The following LIPE variants were observed in gnomAD, a reference collection of about 807,000 sequenced individuals.
LIPE encodes the protein hormone-sensitive lipase.
In LIPE, 66 loss-of-function variants were observed where a neutral mutation model predicts 88.5. The ratio of observed to expected loss-of-function variants is 0.75; its 90% confidence interval spans 0.61 to 0.91. LIPE has a LOEUF of 0.91. Among genes scored for constraint, LIPE ranks in the 40% least tolerant of loss-of-function variants. The pLI, the probability that LIPE is intolerant of heterozygous loss-of-function variation, is 0.00. For synonymous variants in LIPE, 570 were observed against 617.5 expected (o/e 0.92, Z 1.14); for missense variants, 1,346 against 1,434.7 (o/e 0.94, Z 1.00).
Position 42,426,387 on chromosome 19 carries a change from C to CCA in LIPE, c.761_762dup (p.Ala255TrpfsTer5), listed in dbSNP as rs1308944378. ...TTGAAGCCTAGCTTCACTCCCTGGG[C>CCA]CACCATTCCACCCATCGTGGCTGGA... On this transcript the variant is annotated frameshift_variant, in exon 1 of 10. Transcript: ENST00000244289. LOFTEE classifies it high-confidence loss of function. The CCA allele has an allele frequency of 1.2e-6, 2 of 1,613,966 alleles. No homozygotes were observed. The highest frequency in any genetic ancestry group is 3.3e-5 in the Admixed American group (2 of 59,988).
intron 1 of LIPE, chr19:42,423,500 C>A (rs925414899): frequency 4.7e-6 from 6 of 1,278,578 alleles, no homozygotes; most frequent in East Asian, 5.6e-5. Flanking sequence ...GGGGCCATAG[C>A]GGCCTCGGCG....
chr19:42,423,466 C>T (rs1455088827), intron 1 of LIPE: 1 of 1,288,874 alleles, frequency 7.8e-7, no homozygotes, highest in East Asian at 5.6e-5. Context: ...GCTCCTTGAG[C>T]CCTCTTTGGC....
At chr19:42,413,596 G>A (rs1275775637) in intron 1 of LIPE, among the ~76,000 whole-genome samples, 1 of 152,246 alleles carries the variant, frequency 6.6e-6, no homozygotes, top group African/African-American at 2.4e-5. Flanking sequence ...AACCTGGGAC[G>A]CGGAGCTTGC....
At chr19:42,421,318 T>C (rs527238633) in intron 1 of LIPE, among the ~76,000 whole-genome samples, 2 of 152,180 alleles carry the variant, frequency 1.3e-5, no homozygotes, top group African/African-American at 2.4e-5. Flanking sequence ...TTCTCCATAC[T>C]GTCCTCTCTG....
In LIPE at chr19:42,408,760, GT is replaced by G; in HGVS notation, c.1420-439del. Among the ~76,000 whole-genome samples the G allele has an allele frequency of 6.6e-6, 1 of 151,698 alleles. No homozygotes were observed. Among genetic ancestry groups the G allele is most frequent in the Non-Finnish European group, 1.5e-5 (1 of 67,864 alleles). ...AATCGCTTGAACCCAGGAGGCAGAGGTTGCAGTGAGTGGAGATCACACCACT... is the reference window on the plus strand; with the variant it reads ...AATCGCTTGAACCCAGGAGGCAGAGGTGCAGTGAGTGGAGATCACACCACT... On this transcript the variant is annotated intron_variant, in intron 2 of 9. Coordinates refer to ENST00000244289, the MANE Select transcript of LIPE (RefSeq NM_005357.4). This position sits in a 1 kb window ranked among gnomAD's most constrained non-coding sequence, Gnocchi z 4.3.
In LIPE at chr19:42,407,802, G is replaced by A. The variant is rs760844591; in HGVS notation, c.1657-11C>T. The A allele has an allele frequency of 6.5e-7, 1 of 1,544,030 alleles. No individual in the cohort carries two copies. Among genetic ancestry groups the A allele is most frequent in the Admixed American group, 1.9e-5 (1 of 51,408 alleles). The stretch of plus-strand genomic sequence containing the variant: ...CATGTTGGCCAGAGACTGGAGGGAG[G>A]GGACAGAAGGGGTGCTAGGGAAGGT... On this transcript the variant is annotated splice_polypyrimidine_tract_variant and intron_variant, in intron 4 of 9. Coordinates refer to ENST00000244289, the MANE Select transcript of LIPE (RefSeq NM_005357.4). The surrounding 1 kb of genome is among the most constrained non-coding windows in gnomAD (Gnocchi z 5.8).
At position 42,408,481 on chromosome 19, in the gene LIPE, CTGA is replaced by C. The variant is rs567458534; in HGVS notation, c.1420-162_1420-160del. 1.8e-3 allele frequency: 1,170 copies of C among 636,154 alleles called. 4 individuals are homozygous for C. In the Middle Eastern group the frequency reaches 0.024, roughly 13 times the overall value. The allele number at this position is 636,154 out of a possible 1,614,324, so 39.4% of individuals were successfully genotyped here. A position where few individuals can be genotyped will look rare whatever the true frequency, so the allele number is the denominator to read the frequency against. On this transcript the variant is annotated intron_variant, in intron 2 of 9. Transcript: ENST00000244289. This position sits in a 1 kb window ranked among gnomAD's most constrained non-coding sequence, Gnocchi z 4.3. ...CATAGCTCTCGGCTGGTTCACGGAC[CTGA>C]TGTTCTCAAAGGGAAAACAAATGAT...
At chr19:42,425,757 C>T (rs921004684) in intron 1 of LIPE, among the ~76,000 whole-genome samples, 1 of 152,136 alleles carries the variant, frequency 6.6e-6, no homozygotes, top group Non-Finnish European at 1.5e-5. Context: ...CTGCAGTGAG[C>T]CATGATCATA....
rs183211333 is a variant in LIPE at position 42,410,708 on chromosome 19, C to T, written c.1018G>A (p.Gly340Ser). 37 of 1,613,700 alleles carry T rather than the reference C, an allele frequency of 2.3e-5. No individual in the cohort carries two copies. Among genetic ancestry groups the T allele is most frequent in the Non-Finnish European group, 2.5e-5 (30 of 1,179,732 alleles). Residue 340 changes from glycine (G) to serine (S), a missense_variant, in exon 2 of 10, where the codon GGT becomes AGT. Gly to Ser is a moderately conservative substitution (Grantham distance 56). Transcript: ENST00000244289. The surrounding 1 kb of genome is among the most constrained non-coding windows in gnomAD (Gnocchi z 6.1). ...TAQRLSGVFA[G>S]VREQALGLEP... ...AGCCCCAGCGCCTGCTCCCGTACACCGGCAAAAACGCCTGACAGCCGCTGG... is the reference window on the plus strand; with the variant it reads ...AGCCCCAGCGCCTGCTCCCGTACACTGGCAAAAACGCCTGACAGCCGCTGG...
intron 1 of LIPE, chr19:42,424,375 C>G (rs541848723): frequency 8.8e-6 from 4 of 456,598 alleles, no homozygotes; most frequent in African/African-American, 6.0e-5. Context: ...GACCGCCTTG[C>G]TCACACGCAC....
rs1329623526 is a variant in LIPE at position 42,414,260 on chromosome 19, G to A, written c.884-3418C>T. The stretch of plus-strand genomic sequence containing the variant: ...CTGTACTCCAGCCTGGCGATAAAGC[G>A]AGACTCTGTCAGAAAAGAAAGGAAA... On this transcript the variant is annotated intron_variant, in intron 1 of 9. Transcript: ENST00000244289. The surrounding 1 kb of genome is among the most constrained non-coding windows in gnomAD (Gnocchi z 4.6). Among the ~76,000 whole-genome samples the A allele has an allele frequency of 2.0e-5, 3 of 148,974 alleles. No individual in the cohort carries two copies. The highest frequency in any genetic ancestry group is 2.9e-5 in the Non-Finnish European group (2 of 67,980).
At chr19:42,415,922 C>T (rs1267411039) in intron 1 of LIPE, among the ~76,000 whole-genome samples, 2 of 152,224 alleles carry the variant, frequency 1.3e-5, no homozygotes, top group Admixed American at 6.5e-5. Flanking sequence ...TAATCCCAAG[C>T]GAAGCCCTAT....
rs2040723638 is a variant in LIPE at position 42,427,162 on chromosome 19, C to G, written c.-13G>C. The G allele has an allele frequency of 6.3e-7, 1 of 1,575,258 alleles. No individual in the cohort carries two copies. The highest frequency in any genetic ancestry group is 8.6e-7 in the Non-Finnish European group (1 of 1,164,878). On this transcript the variant is annotated 5_prime_UTR_variant, in exon 1 of 10. Coordinates refer to ENST00000244289, the MANE Select transcript of LIPE (RefSeq NM_005357.4). ...AACCTGGCTCCATTGTTATTTCCCT[C>G]ACGGGAGATATTGATCTTCCAGGTT...
intron 2 of LIPE, among the ~76,000 whole-genome samples, chr19:42,409,368 A>G (rs1424639481): frequency 6.8e-6 from 1 of 147,714 alleles, no homozygotes; most frequent in Non-Finnish European, 1.5e-5. Flanking sequence ...CCTGGCCAAC[A>G]TGGTGAAACC....
chr19:42,427,227 G>T lies in LIPE; in HGVS notation c.-78C>A, dbSNP rs2040724835. ...TCCCACCCAGCCCTCTCTCTTCACA[G>T]ATCTCTCATTGATTCCTCATGATGG... On this transcript the variant is annotated 5_prime_UTR_variant, in exon 1 of 10. In the 5' UTR this introduces an upstream ATG that the reference lacks. Coordinates refer to ENST00000244289, the MANE Select transcript of LIPE (RefSeq NM_005357.4). The T allele has an allele frequency of 6.7e-7, 1 of 1,484,588 alleles. No individual in the cohort carries two copies. The highest frequency in any genetic ancestry group is 8.9e-7 in the Non-Finnish European group (1 of 1,122,238). 92.0% of individuals were successfully genotyped at this position (1,484,588 alleles called of 1,614,324 possible).
chr19:42,413,054 G>A (rs1280679935), intron 1 of LIPE, among the ~76,000 whole-genome samples: 3 of 152,196 alleles, frequency 2.0e-5, no homozygotes, highest in Non-Finnish European at 4.4e-5. Flanking sequence ...CTCACACAGG[G>A]AAACAGAGGC....
At position 42,406,065 on chromosome 19, in the gene LIPE, C is replaced by T; in HGVS notation, c.2365+96G>A. ...TCTTAGATTCCTCTGCCTGGCCTCT[C>T]CTTCCTCAGTCACAGGAGTCCTGGT... On this transcript the variant is annotated intron_variant, in intron 7 of 9. Transcript: ENST00000244289. The surrounding 1 kb of genome is among the most constrained non-coding windows in gnomAD (Gnocchi z 5.7). The T allele has an allele frequency of 1.9e-6, 2 of 1,072,528 alleles. No individual in the cohort carries two copies. Among genetic ancestry groups the T allele is most frequent in the South Asian group, 1.5e-5 (1 of 66,676 alleles). 66.4% of individuals were successfully genotyped at this position (1,072,528 alleles called of 1,614,324 possible).
At chr19:42,409,192 A>G (rs2040291413) in intron 2 of LIPE, among the ~76,000 whole-genome samples, 2 of 151,964 alleles carry the variant, frequency 1.3e-5, no homozygotes, top group Admixed American at 1.3e-4. Flanking sequence ...GCCTAGACAT[A>G]GGACCAGCCA....
Position 42,410,774 on chromosome 19 carries a change from T to G in LIPE, c.952A>C (p.Asn318His). 1 of 1,609,178 alleles carries G rather than the reference T, an allele frequency of 6.2e-7. No individual in the cohort carries two copies. Among genetic ancestry groups the G allele is most frequent in the Non-Finnish European group, 8.5e-7 (1 of 1,177,084 alleles). The change falls in exon 2 of 10, where the codon AAC becomes CAC. Residue 318 changes from asparagine to histidine, a missense_variant. Transcript: ENST00000244289. This position sits in a 1 kb window ranked among gnomAD's most constrained non-coding sequence, Gnocchi z 6.1. ...CCCTGGCTCGAGAAGAAGGCTATGT[T>G]GTCCTCCGCCAGAGTCACCAGCGAC... ...TQSLVTLAED[N>H]IAFFSSQGPG... is the part of the protein sequence containing the mutation.
Sources: gnomAD v4.1 joint callset for allele counts (sites outside exome capture counted in the v4.1 genomes callset) on GRCh38, gnomAD v4.1.1 for gene constraint, Gnocchi (gnomAD v3.1) non-coding constraint, MANE v1.5 for transcripts, NCBI Gene and HGNC (gene_info 2026-07-23, HGNC 2026-07-21) for gene names.